Variants in ADAM18 observed in about 807,000 individuals in gnomAD.
ADAM18 encodes the protein disintegrin and metalloproteinase domain-containing protein 18.
A neutral mutation model predicts 94.4 loss-of-function variants in ADAM18; 117 were observed. That is an observed-to-expected ratio of 1.24 (90% CI 1.07 to 1.45). The LOEUF is 1.45. Among genes scored for constraint, ADAM18 ranks in the 40% most tolerant of loss-of-function variants. The pLI, the probability that ADAM18 is intolerant of heterozygous loss-of-function variation, is 0.00. For missense variants in ADAM18, 936 were observed against 880.0 expected (o/e 1.06, Z -0.81); for synonymous variants, 327 against 291.6 (o/e 1.12, Z -1.24).
chr8:39,634,711 T>A (rs1392705386), intron 7 of ADAM18, among the ~76,000 whole-genome samples: 2 of 152,232 alleles, frequency 1.3e-5, no homozygotes, highest in Admixed American at 6.5e-5. Flanking sequence ...TGGAATCATA[T>A]AACTTGTTCA....
At chr8:39,603,223 C>G (rs1818961277) in intron 2 of ADAM18, among the ~76,000 whole-genome samples, 1 of 152,074 alleles carries the variant, frequency 6.6e-6, no homozygotes, top group South Asian at 2.1e-4. Context: ...TTCTGTGCGT[C>G]CATTTTGTTT....
At chr8:39,726,077 A>G (rs1460839959) in intron 19 of ADAM18, among the ~76,000 whole-genome samples, 2 of 152,038 alleles carry the variant, frequency 1.3e-5, no homozygotes, top group South Asian at 2.1e-4. Flanking sequence ...GCCATTCTAA[A>G]TGGAAAGTAA....
intron 6 of ADAM18, among the ~76,000 whole-genome samples, chr8:39,627,984 G>T (rs1346143024): frequency 1.3e-5 from 2 of 152,008 alleles, no homozygotes; most frequent in Non-Finnish European, 2.9e-5. Flanking sequence ...ACTTAGTTTT[G>T]CTGGCTATGA....
chr8:39,690,768 T>C (rs189431162), intron 16 of ADAM18, among the ~76,000 whole-genome samples: 10 of 152,294 alleles, frequency 6.6e-5, no homozygotes, highest in African/African-American at 2.4e-4. Flanking sequence ...GGGATGTAAA[T>C]TAGTTCAGCC....
At chr8:39,671,611 A>C (rs914059906) in intron 14 of ADAM18, among the ~76,000 whole-genome samples, 1 of 152,178 alleles carries the variant, frequency 6.6e-6, no homozygotes, top group Non-Finnish European at 1.5e-5. Flanking sequence ...GGATGGAGAC[A>C]ATTGAAAATA....
intron 17 of ADAM18, among the ~76,000 whole-genome samples, chr8:39,702,013 AT>A (rs1822094397): frequency 6.6e-6 from 1 of 152,162 alleles, no homozygotes; most frequent in African/African-American, 2.4e-5. Flanking sequence ...CAGAAATAGG[AT>A]TGCTGGGTTG....
At chr8:39,637,215 A>C in intron 7 of ADAM18, 49 bp from the exon 8 acceptor site, 1 of 1,358,886 alleles carries the variant, frequency 7.4e-7, no homozygotes, top group South Asian at 1.3e-5. Context: ...CATTTCATTC[A>C]CATGGATTCA....
rs74906402 is a variant in ADAM18, at chr8:39,701,356, C to T, written c.1903-5434C>T. On this transcript the variant is annotated intron_variant, in intron 17 of 19. Transcript: ENST00000265707. Reference sequence around the variant, plus strand: ...ATTTCCTAATTTTCACTTTTTAATACGTTGTGATAATCTCTGCGTTTTATT... The same window carrying T: ...ATTTCCTAATTTTCACTTTTTAATATGTTGTGATAATCTCTGCGTTTTATT... 8.8e-3 allele frequency among the ~76,000 whole-genome samples: 1,334 copies of T among 151,478 alleles called. 15 individuals carry two copies. The highest frequency in any genetic ancestry group is 0.061 in the East Asian group (314 of 5,170).
In ADAM18 at chr8:39,661,903, C is replaced by T. The variant is rs554722518; in HGVS notation, c.1231-1892C>T. Among the ~76,000 whole-genome samples, 12 of 150,270 alleles carry T rather than the reference C, an allele frequency of 8.0e-5. No individual in the cohort carries two copies. The East Asian group carries it at 9.8e-4, about 12-fold the overall frequency. ...CGACAAAGACTACCTAGAACATATC[C>T]GTAGTGTTACAAATTAGGCTTATTT... On this transcript the variant is annotated intron_variant, in intron 12 of 19. Coordinates refer to ENST00000265707, the MANE Select transcript of ADAM18 (RefSeq NM_014237.3).
At chr8:39,717,485 TC>T (rs1822614248) in intron 18 of ADAM18, among the ~76,000 whole-genome samples, 1 of 151,788 alleles carries the variant, frequency 6.6e-6, no homozygotes. Context: ...CCGGAAGAAC[TC>T]CCTCTAGAAT....
intron 6 of ADAM18, 22 bp downstream of exon 6, chr8:39,610,728 TTA>T (rs1187172189): frequency 1.2e-6 from 2 of 1,607,730 alleles, no homozygotes; most frequent in Admixed American, 3.4e-5. Flanking sequence ...CATTCTGATG[TTA>T]TGACATACTA....
chr8:39,714,672 G>T (rs1358551773), intron 18 of ADAM18, among the ~76,000 whole-genome samples: 1 of 152,030 alleles, frequency 6.6e-6, no homozygotes, highest in Non-Finnish European at 1.5e-5. Flanking sequence ...TATAAGAGTT[G>T]ACTAGTCTAA....
intron 17 of ADAM18, among the ~76,000 whole-genome samples, chr8:39,694,141 C>T (rs1044186601): frequency 1.3e-5 from 2 of 151,030 alleles, no homozygotes; most frequent in African/African-American, 2.4e-5. Context: ...ATGCATGATT[C>T]AATATAAGTG....
chr8:39,717,646 G>A (rs551881153), intron 18 of ADAM18, among the ~76,000 whole-genome samples: 2 of 151,672 alleles, frequency 1.3e-5, no homozygotes, highest in South Asian at 4.2e-4. Flanking sequence ...ACCTATATAT[G>A]TAAAACTCCT....
Position 39,653,449 on chromosome 8 carries a change from T to C in ADAM18, c.1230+4922T>C, listed in dbSNP as rs556775661. 1.2e-3 allele frequency among the ~76,000 whole-genome samples: 178 copies of C among 152,260 alleles called. 2 individuals carry two copies. The highest frequency in any genetic ancestry group is 4.1e-3 in the African/African-American group (171 of 41,554). On this transcript the variant is annotated intron_variant, in intron 12 of 19. Coordinates refer to ENST00000265707, the MANE Select transcript of ADAM18 (RefSeq NM_014237.3). ...ATAAAATTGACAAATTATCCTAAAA[T>C]TGTATTTATAAACACCAACATAAGT... is the stretch of plus-strand genomic sequence containing the variant.
In ADAM18 at chr8:39,652,558, G is replaced by T. The variant is rs532586302; in HGVS notation, c.1230+4031G>T. ...ATGAATGGTAACAGATGTTGGTAAG[G>T]GTGTGGAGTAAAGGAAACCTTTGCA... On this transcript the variant is annotated intron_variant, in intron 12 of 19. Coordinates refer to ENST00000265707, the MANE Select transcript of ADAM18 (RefSeq NM_014237.3). 1.1e-4 allele frequency among the ~76,000 whole-genome samples: 17 copies of T among 152,212 alleles called. No individual in the cohort carries two copies. The South Asian group carries it at 3.5e-3, about 32-fold the overall frequency.
chr8:39,646,683 A>G (rs776232437), intron 11 of ADAM18, among the ~76,000 whole-genome samples: 1 of 152,174 alleles, frequency 6.6e-6, no homozygotes, highest in Non-Finnish European at 1.5e-5. Context: ...CATACAGTAT[A>G]TTTGAAATGT....
rs111886616 is a variant in ADAM18 at position 39,634,783 on chromosome 8, C to T, written c.589-2481C>T. Among the ~76,000 whole-genome samples, 617 of 152,226 alleles carry T rather than the reference C, an allele frequency of 4.1e-3. 7 individuals are homozygous for T. The highest frequency in any genetic ancestry group is 0.014 in the African/African-American group (595 of 41,548). On this transcript the variant is annotated intron_variant, in intron 7 of 19. Transcript: ENST00000265707. ...AGAATAAATCTTGCCTTGAGTCTTA[C>T]TCATATAATGTTTAGGTGAGATTTT...
At chr8:39,602,045 ATT>A (rs961311017) in intron 2 of ADAM18, among the ~76,000 whole-genome samples, 1 of 151,880 alleles carries the variant, frequency 6.6e-6, no homozygotes, top group African/African-American at 2.4e-5. Flanking sequence ...CATTTTCCAC[ATT>A]TTATTCGTCT....
Sources: gnomAD v4.1 joint callset for allele counts (sites outside exome capture counted in the v4.1 genomes callset) on GRCh38, gnomAD v4.1.1 for gene constraint, MANE v1.5 for transcripts, NCBI Gene and HGNC (gene_info 2026-07-23, HGNC 2026-07-21) for gene names.